Variants in NBPF20 observed in about 807,000 individuals in gnomAD.
The protein encoded by NBPF20 is NBPF member 20.
A neutral mutation model predicts 68.1 loss-of-function variants in NBPF20; 90 were observed. The observed-to-expected ratio is 1.32, with a 90% CI of 1.11 to 1.58. The LOEUF is 1.58. NBPF20 is among the 40% of genes most tolerant of loss of function. The probability of loss-of-function intolerance (pLI) is 0.00; values close to 1 mark genes in which losing one functional copy is unlikely to be tolerated. For missense variants in NBPF20, 816 were observed against 601.2 expected, an observed-to-expected ratio of 1.36 and a Z score of -3.74; for synonymous variants, 290 against 228.1, an observed-to-expected ratio of 1.27 and a Z score of -2.45.
At position 145,393,790 on chromosome 1, in the gene NBPF20, C is replaced by A. The variant is rs1278452850; in HGVS notation, c.1043+94G>T. The A allele has an allele frequency of 3.5e-5, 48 of 1,359,820 alleles. 2 individuals carry two copies. In the South Asian group the frequency reaches 5.2e-4, roughly 15 times the overall value. 84.2% of individuals were successfully genotyped at this position (1,359,820 alleles called of 1,614,324 possible). A position where few individuals can be genotyped will look rare whatever the true frequency, so the allele number is the denominator to read the frequency against. Reference sequence around the variant, plus strand: ...CATAATTCAGACTTGTCTGACAAGACAAAATCATTATTTTCAGCATGTACT... The same window carrying A: ...CATAATTCAGACTTGTCTGACAAGAAAAAATCATTATTTTCAGCATGTACT... On this transcript the variant is annotated intron_variant, in intron 9 of 137. Transcript: ENST00000369373.
exon 138 of NBPF20, chr1:145,291,428 G>C (rs782159895): frequency 5.6e-6 from 9 of 1,609,562 alleles, no homozygotes; most frequent in East Asian, 2.2e-5. Context: ...CCCATCCTAT[G>C]TCTGGGCTTC....
chr1:145,408,311 G>A (rs1662888463), upstream of NBPF20: 1 of 153,368 alleles, frequency 6.5e-6, no homozygotes, highest in Admixed American at 6.6e-5. Flanking sequence ...GGGGGCCAGG[G>A]ATAGATGGAC....
the NBPF20 span, among the ~76,000 whole-genome samples, chr1:145,419,006 TGA>T: frequency 2.3e-5 from 3 of 132,462 alleles, no homozygotes; most frequent in Non-Finnish European, 3.2e-5. Context: ...AGAGAGAGCA[TGA>T]GAGACAAAGA....
At chr1:145,415,023 C>A in the NBPF20 span, among the ~76,000 whole-genome samples, 1 of 152,152 alleles carries the variant, frequency 6.6e-6, no homozygotes, top group Admixed American at 6.5e-5. Context: ...CCCATGCCGG[C>A]ACTGGCCTCT....
At chr1:145,341,224 TA>T (rs1661614173) in intron 75 of NBPF20, among the ~76,000 whole-genome samples, 1 of 45,924 alleles carries the variant, frequency 2.2e-5, no homozygotes, top group Non-Finnish European at 5.4e-5. Context: ...GGTAAGGGAG[TA>T]AAAGGACACT....
the NBPF20 span, among the ~76,000 whole-genome samples, chr1:145,410,578 G>A: frequency 1.3e-5 from 2 of 150,878 alleles, no homozygotes; most frequent in East Asian, 1.9e-4. Context: ...CTCCCAAAGT[G>A]CTGGGATTAC....
intron 61 of NBPF20, among the ~76,000 whole-genome samples, chr1:145,352,296 C>CAG (rs1661656363): frequency 1.6e-4 from 14 of 90,042 alleles, no homozygotes; most frequent in Admixed American, 3.1e-4. Flanking sequence ...GACACACACA[C>CAG]ACACACACAC....
intron 2 of NBPF20, 137 bp downstream of exon 7, chr1:145,404,961 A>C (rs1662699870): frequency 4.7e-6 from 6 of 1,285,322 alleles, no homozygotes; most frequent in Non-Finnish European, 6.7e-6. Context: ...TCCAACTAAC[A>C]AAATGTTAAA....
chr1:145,422,012 T>C, the NBPF20 span, among the ~76,000 whole-genome samples: 1 of 151,208 alleles, frequency 6.6e-6, no homozygotes, highest in Non-Finnish European at 1.5e-5. Context: ...CACTCCAGCC[T>C]GGGAAACAGA....
chr1:145,417,470 A>G, the NBPF20 span, among the ~76,000 whole-genome samples: 1 of 149,028 alleles, frequency 6.7e-6, no homozygotes, highest in African/African-American at 2.5e-5. Flanking sequence ...GTTGAGCCTC[A>G]TTAAAATTAA....
At position 145,395,813 on chromosome 1, in the gene NBPF20, C is replaced by G. The variant is rs1411612301; in HGVS notation, c.828-672G>C. Among the ~76,000 whole-genome samples the G allele has an allele frequency of 2.0e-5, 3 of 148,272 alleles. No homozygotes were observed. The East Asian group carries it at 5.8e-4, about 29-fold the overall frequency. ...CAGAAAGGAATAACATCAACATCAA[C>G]AAAAAAGACATCCACCCCAAAACCC... On this transcript the variant is annotated intron_variant, in intron 7 of 137. Coordinates refer to ENST00000369373, the Ensembl canonical transcript of NBPF20.
the NBPF20 span, among the ~76,000 whole-genome samples, chr1:145,424,257 T>G: frequency 1.3e-5 from 2 of 150,452 alleles, no homozygotes; most frequent in Admixed American, 1.3e-4. Flanking sequence ...ATTACAGGTG[T>G]GATCTACCGC....
intron 119 of NBPF20, among the ~76,000 whole-genome samples, 197 bp from the exon 125 acceptor site, chr1:145,306,262 G>GACAC (rs1156980239): frequency 2.8e-5 from 4 of 143,642 alleles, no homozygotes; most frequent in East Asian, 4.6e-4. Context: ...AAGACAGATA[G>GACAC]ACACACACAC....
chr1:145,400,681 G>A, intron 5 of NBPF20, 87 bp from the exon 11 acceptor site: 2 of 1,522,282 alleles, frequency 1.3e-6, no homozygotes, highest in African/African-American at 1.4e-5. Flanking sequence ...TTGACAGGCG[G>A]CATTAAGAGA....
At chr1:145,311,928 A>T (rs1661495564) in intron 112 of NBPF20, among the ~76,000 whole-genome samples, 1 of 110,080 alleles carries the variant, frequency 9.1e-6, no homozygotes, top group Admixed American at 8.7e-5. Context: ...ACAAAATCAG[A>T]GTTGTGTGAA....
exon 4 of NBPF20, chr1:145,402,256 T>C (rs1662556652): frequency 1.9e-6 from 3 of 1,609,694 alleles, no homozygotes; most frequent in Admixed American, 1.7e-5. Context: ...CTTGTCCGGC[T>C]CATCCGGAGT....
the NBPF20 span, among the ~76,000 whole-genome samples, chr1:145,411,104 T>G: frequency 1.4e-5 from 2 of 146,786 alleles, no homozygotes; most frequent in African/African-American, 4.9e-5. Context: ...ATTATTCTTT[T>G]ATAATATTGC....
chr1:145,401,113 T>A (rs1293910698), exon 5 of NBPF20: 20 of 1,606,516 alleles, frequency 1.2e-5, no homozygotes, highest in African/African-American at 1.2e-4. Context: ...AACATCTTCA[T>A]CGTCATCGTT....
chr1:145,396,752 A>G (rs1662264565), intron 7 of NBPF20, among the ~76,000 whole-genome samples: 1 of 101,116 alleles, frequency 9.9e-6, no homozygotes, highest in Non-Finnish European at 1.8e-5. Context: ...TTTTGTGTGT[A>G]TGTATATATA....
Sources: allele counts gnomAD v4.1 joint callset (sites outside exome capture counted in the v4.1 genomes callset), GRCh38; gene constraint gnomAD v4.1.1; transcripts MANE v1.5; gene names NCBI Gene and HGNC (gene_info 2026-07-23, HGNC 2026-07-21).